The following ETV6 variants were observed in gnomAD, a reference collection of about 807,000 sequenced individuals.
ETV6 encodes ETS variant transcription factor 6, also known as transcription factor ETV6.
In ETV6, 16 loss-of-function variants were observed where a neutral mutation model predicts 51.1. The ratio of observed to expected loss-of-function variants is 0.31; its 90% confidence interval spans 0.21 to 0.48. ETV6 has a LOEUF of 0.48. Among genes scored for constraint, ETV6 ranks in the 20% least tolerant of loss-of-function variants. ETV6 has a pLI of 0.99. For missense variants in ETV6, 458 were observed against 594.8 expected (o/e 0.77, Z 2.39); for synonymous variants, 240 against 224.1 (o/e 1.07, Z -0.64).
intron 2 of ETV6, among the ~76,000 whole-genome samples, chr12:11,828,278 C>T (rs1240152083): frequency 6.6e-6 from 1 of 152,128 alleles, no homozygotes; most frequent in Non-Finnish European, 1.5e-5. Flanking sequence ...ACCCTAACTA[C>T]TATGAAGAAA....
At chr12:11,704,370 A>G (rs1270151165) in intron 1 of ETV6, among the ~76,000 whole-genome samples, 2 of 152,110 alleles carry the variant, frequency 1.3e-5, no homozygotes, top group Non-Finnish European at 2.9e-5. Flanking sequence ...TTTTTTTGAC[A>G]GAGTCTCACT....
At chr12:11,739,512 G>T (rs930796046) in intron 1 of ETV6, among the ~76,000 whole-genome samples, 1 of 152,162 alleles carries the variant, frequency 6.6e-6, no homozygotes, top group Admixed American at 6.5e-5. Context: ...AGTGTGTTTG[G>T]AATAGCTTGG....
intron 3 of ETV6, among the ~76,000 whole-genome samples, chr12:11,839,612 G>A (rs1315097982): frequency 6.6e-6 from 1 of 152,212 alleles, no homozygotes; most frequent in African/African-American, 2.4e-5. Context: ...GGCCGTGGTG[G>A]CTCACTCCTA....
intron 1 of ETV6, among the ~76,000 whole-genome samples, chr12:11,667,617 C>T (rs1390310919): frequency 6.6e-6 from 1 of 151,266 alleles, no homozygotes; most frequent in Non-Finnish European, 1.5e-5. Flanking sequence ...ACTGCCTCGA[C>T]CTCCTGGGCT....
chr12:11,776,630 C>G (rs1470042651), intron 2 of ETV6, among the ~76,000 whole-genome samples: 1 of 152,178 alleles, frequency 6.6e-6, no homozygotes, highest in Non-Finnish European at 1.5e-5. Context: ...CTGGTCACTC[C>G]AAACGTTCAG....
At position 11,892,597 on chromosome 12, in the gene ETV6, A is replaced by G. The variant is rs1254678493; in HGVS notation, c.*1551A>G. 4.3e-6 allele frequency: 1 copy of G among 232,496 alleles called. No individual in the cohort carries two copies. 14.4% of individuals were successfully genotyped at this position (232,496 alleles called of 1,614,324 possible). On this transcript the variant is annotated 3_prime_UTR_variant, in exon 8 of 8. Transcript: ENST00000396373. Reference sequence around the variant, plus strand: ...TTTGGAGTACAATTTCTTTTAATCCAGATTACACCTGCCTTACAAAGCACC... The same window carrying G: ...TTTGGAGTACAATTTCTTTTAATCCGGATTACACCTGCCTTACAAAGCACC...
chr12:11,682,522 C>A (rs1035080311), intron 1 of ETV6, among the ~76,000 whole-genome samples: 11 of 152,158 alleles, frequency 7.2e-5, no homozygotes, highest in African/African-American at 2.7e-4. Flanking sequence ...GTTGTCTGCT[C>A]ACTCTAATGA....
chr12:11,735,086 C>CTCT (rs1865677574), intron 1 of ETV6, among the ~76,000 whole-genome samples: 1 of 76,230 alleles, frequency 1.3e-5, no homozygotes, highest in Non-Finnish European at 2.2e-5. Flanking sequence ...GCAAGGTGGC[C>CTCT]TTTTTTTTTT....
intron 1 of ETV6, among the ~76,000 whole-genome samples, chr12:11,719,721 A>G (rs1180075610): frequency 6.6e-6 from 1 of 152,230 alleles, no homozygotes; most frequent in African/African-American, 2.4e-5. Flanking sequence ...AAGTCTGTGC[A>G]TTAAAATCCA....
intron 1 of ETV6, among the ~76,000 whole-genome samples, chr12:11,650,509 A>C (rs1356228120): frequency 2.7e-5 from 4 of 150,472 alleles, no homozygotes; most frequent in African/African-American, 9.8e-5. Flanking sequence ...AAAACAAAAA[A>C]AAAAAACCTG....
intron 2 of ETV6, among the ~76,000 whole-genome samples, chr12:11,806,197 T>A (rs1591686539): frequency 6.6e-6 from 1 of 152,214 alleles, no homozygotes; most frequent in East Asian, 1.9e-4. Flanking sequence ...TGGAATGAAC[T>A]ACGTATGCCA....
At chr12:11,705,254 C>A (rs987017367) in intron 1 of ETV6, among the ~76,000 whole-genome samples, 1 of 152,178 alleles carries the variant, frequency 6.6e-6, no homozygotes, top group Non-Finnish European at 1.5e-5. Flanking sequence ...AACATGCTAG[C>A]TCCGGGAAAC....
chr12:11,822,536 C>T (rs542286018), intron 2 of ETV6, among the ~76,000 whole-genome samples: 4 of 152,194 alleles, frequency 2.6e-5, no homozygotes, highest in South Asian at 2.1e-4. Context: ...GTTATAAAAC[C>T]GGAAGAGTGT....
chr12:11,755,521 G>A (rs1169034223), intron 2 of ETV6, among the ~76,000 whole-genome samples: 2 of 152,174 alleles, frequency 1.3e-5, no homozygotes, highest in Non-Finnish European at 2.9e-5. Context: ...ATGAGGCTGA[G>A]CTTCTGTCCT....
intron 1 of ETV6, among the ~76,000 whole-genome samples, chr12:11,687,970 CATTT>C (rs2120776697): frequency 6.6e-6 from 1 of 152,304 alleles, no homozygotes; most frequent in South Asian, 2.1e-4. Flanking sequence ...GGTATTCGCT[CATTT>C]ATTCTTTATG....
intron 1 of ETV6, among the ~76,000 whole-genome samples, chr12:11,689,990 G>T (rs1334232933): frequency 6.6e-6 from 1 of 152,008 alleles, no homozygotes. Flanking sequence ...GGTGTCACAA[G>T]CATGGATTTA....
chr12:11,765,766 T>G (rs572291997), intron 2 of ETV6, among the ~76,000 whole-genome samples: 1 of 152,214 alleles, frequency 6.6e-6, no homozygotes, highest in East Asian at 1.9e-4. Flanking sequence ...TTTGGTAACA[T>G]ACGTGCTTTA....
chr12:11,725,556 G>T (rs139195395), intron 1 of ETV6, among the ~76,000 whole-genome samples: 2 of 152,162 alleles, frequency 1.3e-5, no homozygotes, highest in Admixed American at 6.5e-5. Context: ...ACACTCATCT[G>T]TATTACTTCA....
chr12:11,692,163 G>T (rs1443286807), intron 1 of ETV6, among the ~76,000 whole-genome samples: 2 of 152,128 alleles, frequency 1.3e-5, no homozygotes, highest in Admixed American at 1.3e-4. Flanking sequence ...TGGGTTAATG[G>T]ATTAATGGAT....
Sources: allele counts gnomAD v4.1 joint callset (sites outside exome capture counted in the v4.1 genomes callset), GRCh38; gene constraint gnomAD v4.1.1; transcripts MANE v1.5; gene names NCBI Gene and HGNC (gene_info 2026-07-23, HGNC 2026-07-21).